Variants in CACNG5 observed in about 807,000 individuals in gnomAD.
CACNG5 encodes the protein calcium voltage-gated channel auxiliary subunit gamma 5.
Under a neutral mutation model 24.8 loss-of-function variants are expected in CACNG5, and 18 were observed. The observed-to-expected ratio is 0.73, with a 90% CI of 0.50 to 1.08. The LOEUF (loss-of-function observed/expected upper bound fraction) is 1.08, where lower values mean the gene tolerates loss of function less well. CACNG5 is among the 50% of genes least tolerant of loss of function. The probability of loss-of-function intolerance (pLI) is 0.00; values close to 1 mark genes in which losing one functional copy is unlikely to be tolerated. For missense variants in CACNG5, 349 were observed against 367.9 expected, an observed-to-expected ratio of 0.95 and a Z score of 0.42; for synonymous variants, 157 against 149.1, an observed-to-expected ratio of 1.05 and a Z score of -0.39.
At position 66,868,170 on chromosome 17, in the gene CACNG5, C is replaced by G. The variant is rs571488258; in HGVS notation, c.-103-9060C>G. On this transcript the variant is annotated intron_variant, in intron 1 of 5. Transcript: ENST00000533854. ...TCTTCTTTTGTTAAGAGCAGTGACCCTTGCTGGGTGCCTGTCATGCCCCTT... is the reference window on the plus strand; with the variant it reads ...TCTTCTTTTGTTAAGAGCAGTGACCGTTGCTGGGTGCCTGTCATGCCCCTT... Among the ~76,000 whole-genome samples the G allele has an allele frequency of 5.6e-4, 85 of 152,264 alleles. 1 individual carries two copies. The highest frequency in any genetic ancestry group is 1.1e-3 in the Non-Finnish European group (73 of 68,010).
At chr17:66,869,939 G>A (rs548481448) in intron 1 of CACNG5, among the ~76,000 whole-genome samples, 140 of 151,940 alleles carry the variant, frequency 9.2e-4, no homozygotes, top group Admixed American at 6.8e-3. Context: ...AAAACTTAGC[G>A]GGGCGTGGTG....
chr17:66,876,732 G>C (rs1177758061), intron 1 of CACNG5, among the ~76,000 whole-genome samples: 1 of 152,144 alleles, frequency 6.6e-6, no homozygotes, highest in Non-Finnish European at 1.5e-5. Context: ...TTTCCTGTCT[G>C]GAGCTGGCAT....
At position 66,835,202 on chromosome 17, in the gene CACNG5, C is replaced by A. The variant is rs573637226; in HGVS notation, c.-152C>A. ...GTACCTCCCGCCCCGCGCGCCCAGC[C>A]GGCGAGGGACATTGGACCAGGGTCG... On this transcript the variant is annotated 5_prime_UTR_variant, in exon 1 of 6. Coordinates refer to ENST00000533854, the MANE Select transcript of CACNG5 (RefSeq NM_145811.3). 103 of 152,458 alleles carry A rather than the reference C, an allele frequency of 6.8e-4. No homozygotes were observed. The highest frequency in any genetic ancestry group is 2.4e-3 in the African/African-American group (101 of 41,588). The allele number at this position is 152,458 out of a possible 1,614,324, so 9.4% of individuals were successfully genotyped here. A position where few individuals can be genotyped will look rare whatever the true frequency, so the allele number is the denominator to read the frequency against.
chr17:66,874,167 C>T (rs1349257357), intron 1 of CACNG5, among the ~76,000 whole-genome samples: 2 of 152,106 alleles, frequency 1.3e-5, no homozygotes, highest in Non-Finnish European at 2.9e-5. Flanking sequence ...TCAGTTTGCT[C>T]ACCTGTAAAA....
intron 1 of CACNG5, among the ~76,000 whole-genome samples, chr17:66,847,266 G>C (rs1020243708): frequency 1.3e-5 from 2 of 152,214 alleles, no homozygotes; most frequent in African/African-American, 4.8e-5. Context: ...TGGGCAGTAA[G>C]TGTTGGTGTG....
At chr17:66,881,836 G>A (rs1977162283) in intron 4 of CACNG5, among the ~76,000 whole-genome samples, 2 of 152,108 alleles carry the variant, frequency 1.3e-5, no homozygotes, top group Non-Finnish European at 2.9e-5. Context: ...GGGCCTGGAG[G>A]AAAGTGGGAG....
intron 4 of CACNG5, among the ~76,000 whole-genome samples, chr17:66,882,973 A>G (rs1250231719): frequency 1.4e-5 from 2 of 142,180 alleles, no homozygotes; most frequent in Non-Finnish European, 3.2e-5. Context: ...CCATCCATCC[A>G]TCAATCCATC....
At chr17:66,843,291 A>G (rs1285867504) in intron 1 of CACNG5, among the ~76,000 whole-genome samples, 3 of 152,214 alleles carry the variant, frequency 2.0e-5, no homozygotes, top group Non-Finnish European at 4.4e-5. Context: ...CACCTAAAGA[A>G]GTAAAGGCAC....
chr17:66,885,071 G>A lies in CACNG5; in HGVS notation c.659G>A (p.Arg220Gln), dbSNP rs758180109. The A allele has an allele frequency of 6.8e-6, 11 of 1,614,178 alleles. No homozygotes were observed. The highest frequency in any genetic ancestry group is 4.0e-5 in the African/African-American group (3 of 75,042). Reference protein sequence around the residue: ...YRPHPGFYRPRLSNCSDYSGQ... With the variant: ...YRPHPGFYRPQLSNCSDYSGQ... ...CCCCACCCTGGCTTCTACCGCCCTC[G>A]GCTGAGCAACTGCTCCGATTACTCA... The change falls in exon 6 of 6, where the codon CGG becomes CAG. Residue 220 changes from arginine (R) to glutamine (Q), a missense_variant. By Grantham distance (43) the Arg-to-Gln change is conservative. Transcript: ENST00000533854.
At chr17:66,870,433 A>G (rs1976989530) in intron 1 of CACNG5, among the ~76,000 whole-genome samples, 1 of 152,224 alleles carries the variant, frequency 6.6e-6, no homozygotes, top group Admixed American at 6.5e-5. Context: ...TTTGTCTGTC[A>G]CAACTAGAGT....
intron 3 of CACNG5, 129 bp downstream of exon 3, chr17:66,879,187 G>A (rs1355770098): frequency 1.6e-6 from 1 of 613,692 alleles, no homozygotes; most frequent in Non-Finnish European, 2.8e-6. Flanking sequence ...GTGCTGTCCT[G>A]TTAATTAGAG....
chr17:66,883,446 G>A (rs1254226362), intron 4 of CACNG5, among the ~76,000 whole-genome samples: 1 of 152,212 alleles, frequency 6.6e-6, no homozygotes, highest in African/African-American at 2.4e-5. Flanking sequence ...CATCCTTCCA[G>A]ATGCCCTACT....
At chr17:66,843,051 C>T (rs1481864899) in intron 1 of CACNG5, among the ~76,000 whole-genome samples, 1 of 152,208 alleles carries the variant, frequency 6.6e-6, no homozygotes, top group Non-Finnish European at 1.5e-5. Flanking sequence ...ATAACTCCCA[C>T]CACTTTGGAA....
rs1977304400 is a variant in CACNG5, at chr17:66,889,041, A to G, written c.*3801A>G. Among the ~76,000 whole-genome samples, 1 of 151,038 alleles carries G rather than the reference A, an allele frequency of 6.6e-6. No homozygotes were observed. The highest frequency in any genetic ancestry group is 2.4e-5 in the African/African-American group (1 of 40,976). ...AGTGGTGTGATCTCGGCTCACTGCAACCTCTGCTTCCTGGGCTCAAGCAAT... is the reference window on the plus strand; with the variant it reads ...AGTGGTGTGATCTCGGCTCACTGCAGCCTCTGCTTCCTGGGCTCAAGCAAT... On this transcript the variant is annotated 3_prime_UTR_variant, in exon 6 of 6. Transcript: ENST00000533854.
chr17:66,845,460 T>TA lies in CACNG5; in HGVS notation c.-104+10210_-104+10211insA, dbSNP rs1470117238. 1.4e-3 allele frequency among the ~76,000 whole-genome samples: 107 copies of TA among 75,234 alleles called. 1 individual carries two copies. The highest frequency in any genetic ancestry group is 5.1e-3 in the South Asian group (9 of 1,768). 49.4% of individuals were successfully genotyped at this position (75,234 alleles called of 152,430 possible). ...TGTGTCCCAGAACTTAAAGTAAAAT[T>TA]TAAAAAAAAAAAACAAAAAACTATC... On this transcript the variant is annotated intron_variant, in intron 1 of 5. Coordinates refer to ENST00000533854, the MANE Select transcript of CACNG5 (RefSeq NM_145811.3).
intron 1 of CACNG5, among the ~76,000 whole-genome samples, chr17:66,854,225 C>T (rs1027706854): frequency 7.2e-5 from 11 of 152,078 alleles, no homozygotes; most frequent in African/African-American, 2.7e-4. Context: ...GTCAGGAGAT[C>T]GAGACCATCC....
At chr17:66,841,203 G>A (rs1478002984) in intron 1 of CACNG5, among the ~76,000 whole-genome samples, 1 of 152,176 alleles carries the variant, frequency 6.6e-6, no homozygotes, top group Non-Finnish European at 1.5e-5. Flanking sequence ...GGACAAATTG[G>A]AGCATGGAGG....
Position 66,887,270 on chromosome 17 carries a change from G to A in CACNG5, c.*2030G>A, listed in dbSNP as rs79363035. Among the ~76,000 whole-genome samples the A allele has an allele frequency of 6.6e-6, 1 of 152,042 alleles. No individual in the cohort carries two copies. The highest frequency in any genetic ancestry group is 1.9e-4 in the East Asian group (1 of 5,152). On this transcript the variant is annotated 3_prime_UTR_variant, in exon 6 of 6. Transcript: ENST00000533854. ...GGGCAACACCCTTCCACTCTGAGGG[G>A]CTTGGCCTAAATGGTTTCCAAGCCC...
intron 1 of CACNG5, among the ~76,000 whole-genome samples, chr17:66,847,331 C>A (rs1976650146): frequency 6.6e-6 from 1 of 152,156 alleles, no homozygotes; most frequent in Non-Finnish European, 1.5e-5. Context: ...TGAAGAAATA[C>A]CTGAGGCTGG....
Sources: gnomAD v4.1 joint callset for allele counts (sites outside exome capture counted in the v4.1 genomes callset) on GRCh38, gnomAD v4.1.1 for gene constraint, MANE v1.5 for transcripts, NCBI Gene and HGNC (gene_info 2026-07-23, HGNC 2026-07-21) for gene names.